The following KYNU variants were observed in gnomAD, a reference collection of about 807,000 sequenced individuals.
KYNU encodes kynureninase.
KYNU carries 54 observed loss-of-function variants against 59.2 expected under a neutral mutation model. The observed-to-expected ratio is 0.91, with a 90% CI of 0.73 to 1.14. The LOEUF (loss-of-function observed/expected upper bound fraction) is 1.14. KYNU is among the 50% of genes most tolerant of loss of function. KYNU has a pLI of 0.00. For synonymous variants in KYNU, 177 were observed against 192.0 expected, an observed-to-expected ratio of 0.92 and a Z score of 0.65; for missense variants, 567 against 554.4, an observed-to-expected ratio of 1.02 and a Z score of -0.23.
At chr2:143,029,137 A>G (rs1235852271) in intron 10 of KYNU, among the ~76,000 whole-genome samples, 1 of 152,168 alleles carries the variant, frequency 6.6e-6, no homozygotes, top group Non-Finnish European at 1.5e-5. Flanking sequence ...ATAGAGATGG[A>G]TAGATTTTTA....
chr2:142,911,997 T>G (rs974243580), intron 2 of KYNU, among the ~76,000 whole-genome samples: 5 of 151,612 alleles, frequency 3.3e-5, no homozygotes, highest in African/African-American at 1.2e-4. Flanking sequence ...GACCCGTAAT[T>G]TTGTTGTTGT....
Position 142,972,809 on chromosome 2 carries a change from T to TAG in KYNU, c.729+12040_729+12041insGA, listed in dbSNP as rs1186056484. Reference sequence around the variant, plus strand: ...CAGAGGCCATATATATATATATATATATATAGAGAGAGAGAGAGAGAGAGA... The same window carrying TAG: ...CAGAGGCCATATATATATATATATATAGATATAGAGAGAGAGAGAGAGAGAGA... On this transcript the variant is annotated intron_variant, in intron 8 of 13. Transcript: ENST00000264170. Among the ~76,000 whole-genome samples, 188 of 137,384 alleles carry TAG rather than the reference T, an allele frequency of 1.4e-3. 1 individual carries two copies. The highest frequency in any genetic ancestry group is 3.8e-3 in the Middle Eastern group (1 of 266). 90.1% of individuals were successfully genotyped at this position (137,384 alleles called of 152,430 possible).
intron 8 of KYNU, among the ~76,000 whole-genome samples, chr2:142,965,005 A>G (rs577174227): frequency 1.1e-4 from 17 of 152,076 alleles, no homozygotes; most frequent in Non-Finnish European, 1.6e-4. Context: ...TCTACTAGGA[A>G]CTTCTTTCCT....
intron 12 of KYNU, 111 bp downstream of exon 12, chr2:143,033,432 T>TGCATGAA (rs1171583682): frequency 1.2e-6 from 1 of 847,024 alleles, no homozygotes; most frequent in African/African-American, 1.7e-5. Context: ...ATGTGCACTG[T>TGCATGAA]GCATGAACAA....
chr2:142,911,926 T>C (rs531669229), intron 2 of KYNU, among the ~76,000 whole-genome samples: 37 of 152,186 alleles, frequency 2.4e-4, no homozygotes, highest in Non-Finnish European at 5.0e-4. Flanking sequence ...AACTTTTTCA[T>C]GTGCTTCTGG....
Position 143,005,864 on chromosome 2 carries a change from A to G in KYNU, c.902+19843A>G, listed in dbSNP as rs1685864656. 2.0e-5 allele frequency among the ~76,000 whole-genome samples: 3 copies of G among 152,284 alleles called. No individual in the cohort carries two copies. The South Asian group carries it at 6.2e-4, about 32-fold the overall frequency. ...AATAGAAAAGGATGGAAAGCAAGGT[A>G]AAGTTTGCTGCAGTCTAAAGCTACA... is the stretch of plus-strand genomic sequence containing the variant. On this transcript the variant is annotated intron_variant, in intron 10 of 13. Transcript: ENST00000264170.
rs1277793192 is a variant in KYNU at position 143,040,638 on chromosome 2, C to G, written c.1252C>G (p.Leu418Val). The G allele has an allele frequency of 6.2e-7, 1 of 1,602,900 alleles. No individual in the cohort carries two copies. The highest frequency in any genetic ancestry group is 1.7e-5 in the Admixed American group (1 of 58,136). ...SVPNKDVFQE[L>V]EKRGVVCDKR... ...TCCAAACAAAGATGTTTTCCAAGAACTAGAAAAAAGAGGAGTGGTTGTAAG... is the reference window on the plus strand; with the variant it reads ...TCCAAACAAAGATGTTTTCCAAGAAGTAGAAAAAAGAGGAGTGGTTGTAAG... Residue 418 changes from leucine (L) to valine (V), a missense_variant, in exon 13 of 14, where the codon CTA becomes GTA. Coordinates refer to ENST00000264170, the MANE Select transcript of KYNU (RefSeq NM_003937.3).
intron 2 of KYNU, among the ~76,000 whole-genome samples, chr2:142,913,927 C>T (rs1446682087): frequency 6.6e-6 from 1 of 152,170 alleles, no homozygotes; most frequent in Non-Finnish European, 1.5e-5. Context: ...TTGCATTGAA[C>T]ATTTTATCAT....
chr2:142,949,351 C>T (rs1027239161), intron 4 of KYNU, among the ~76,000 whole-genome samples: 1 of 152,214 alleles, frequency 6.6e-6, no homozygotes, highest in African/African-American at 2.4e-5. Context: ...TGGGGGCTGC[C>T]ACCCCACATT....
rs1335674908 is a variant in KYNU, at chr2:143,040,516, G to A, written c.1130G>A (p.Gly377Asp). Reference protein sequence around the residue: ...YLEYLIKHNYGKDKAATKKPV... With the variant: ...YLEYLIKHNYDKDKAATKKPV... ...GAATACCTGATCAAGCATAACTATG[G>A]CAAAGATAAAGCAGCAACCAAGAAA... Residue 377 changes from glycine to aspartate, a missense_variant, in exon 13 of 14, where the codon GGC (glycine) becomes GAC (aspartate). Gly to Asp is a moderately conservative substitution (Grantham distance 94). Transcript: ENST00000264170. 6.2e-7 allele frequency: 1 copy of A among 1,613,276 alleles called. No individual in the cohort carries two copies. Among genetic ancestry groups the A allele is most frequent in the Middle Eastern group, 1.7e-4 (1 of 6,058 alleles).
intron 4 of KYNU, among the ~76,000 whole-genome samples, chr2:142,948,467 G>A (rs1683873292): frequency 6.6e-6 from 1 of 152,222 alleles, no homozygotes; most frequent in Admixed American, 6.5e-5. Context: ...ACAAAGGAAA[G>A]AAGTTTAATG....
At chr2:142,939,752 A>G (rs1476641191) in intron 4 of KYNU, among the ~76,000 whole-genome samples, 1 of 152,234 alleles carries the variant, frequency 6.6e-6, no homozygotes, top group Non-Finnish European at 1.5e-5. Context: ...AGTAAATAGA[A>G]ATCTGCATAG....
rs1411020751 is a variant in KYNU at position 143,053,539 on chromosome 2, A to G, written c.*11367A>G. Reference sequence around the variant, plus strand: ...TGAATTTCTATGTGTTTGGAGAGGTACCCGGTGGGAGGTAATTGAATCATG... The same window carrying G: ...TGAATTTCTATGTGTTTGGAGAGGTGCCCGGTGGGAGGTAATTGAATCATG... On this transcript the variant is annotated 3_prime_UTR_variant, in exon 14 of 14. Coordinates refer to ENST00000264170, the MANE Select transcript of KYNU (RefSeq NM_003937.3). 2 of 152,184 alleles carry G rather than the reference A, an allele frequency of 1.3e-5. No homozygotes were observed. The highest frequency in any genetic ancestry group is 4.8e-5 in the African/African-American group (2 of 41,436). 9.4% of individuals were successfully genotyped at this position (152,184 alleles called of 1,614,324 possible). A position where few individuals can be genotyped will look rare whatever the true frequency, so the allele number is the denominator to read the frequency against.
intron 10 of KYNU, among the ~76,000 whole-genome samples, chr2:143,021,351 A>G (rs1686401483): frequency 2.0e-5 from 3 of 152,196 alleles, no homozygotes; most frequent in African/African-American, 7.2e-5. Context: ...TTGTTTTCCC[A>G]AATGACATTA....
intron 10 of KYNU, among the ~76,000 whole-genome samples, chr2:142,998,507 C>A (rs1233413935): frequency 1.3e-5 from 2 of 152,002 alleles, no homozygotes; most frequent in Admixed American, 6.6e-5. Context: ...TCTTTATTTG[C>A]TTTTTAAAAG....
intron 10 of KYNU, among the ~76,000 whole-genome samples, chr2:143,001,901 T>C (rs1685716660): frequency 6.6e-6 from 1 of 152,234 alleles, no homozygotes; most frequent in Admixed American, 6.5e-5. Flanking sequence ...CCATTTTTCC[T>C]TAGCAGCTAG....
At chr2:142,969,163 A>T (rs772033697) in intron 8 of KYNU, among the ~76,000 whole-genome samples, 2 of 152,160 alleles carry the variant, frequency 1.3e-5, no homozygotes, top group African/African-American at 4.8e-5. Context: ...AGAAAAAGAC[A>T]TGTTAAATAC....
At chr2:142,987,385 C>T (rs983515274) in intron 10 of KYNU, among the ~76,000 whole-genome samples, 6 of 151,864 alleles carry the variant, frequency 4.0e-5, no homozygotes, top group Non-Finnish European at 7.4e-5. Flanking sequence ...AAGCTTTGAC[C>T]TCCTAGCACA....
In KYNU at chr2:143,019,711, A is replaced by C. The variant is rs77497841; in HGVS notation, c.903-9916A>C. On this transcript the variant is annotated intron_variant, in intron 10 of 13. Transcript: ENST00000264170. ...AGTATTCCCTCCTCTTAAATATTTG[A>C]AATAGTTTGAGTAGAATTGGTATTA... Among the ~76,000 whole-genome samples the C allele has an allele frequency of 8.6e-3, 1,306 of 152,126 alleles. 9 individuals are homozygous for C. The highest frequency in any genetic ancestry group is 0.03 in the African/African-American group (1,256 of 41,528).
Sources: allele counts gnomAD v4.1 joint callset (sites outside exome capture counted in the v4.1 genomes callset), GRCh38; gene constraint gnomAD v4.1.1; transcripts MANE v1.5; gene names NCBI Gene and HGNC (gene_info 2026-07-23, HGNC 2026-07-21).